The following DOCK4 variants were observed in gnomAD, a reference collection of about 807,000 sequenced individuals.
The protein encoded by DOCK4 is dedicator of cytokinesis 4.
Under a neutral mutation model 268.1 loss-of-function variants are expected in DOCK4, and 97 were observed. That is an observed-to-expected ratio of 0.36 (90% CI 0.31 to 0.43). DOCK4 has a LOEUF of 0.43. DOCK4 is among the 20% of genes least tolerant of loss of function. The pLI is 1.00. For synonymous variants in DOCK4, 954 were observed against 887.2 expected, an observed-to-expected ratio of 1.08 and a Z score of -1.34; for missense variants, 2,145 against 2,455.7, an observed-to-expected ratio of 0.87 and a Z score of 2.67.
intron 1 of DOCK4, among the ~76,000 whole-genome samples, chr7:112,019,473 G>A (rs890655623): frequency 7.9e-5 from 12 of 152,092 alleles, no homozygotes; most frequent in South Asian, 4.1e-4. Flanking sequence ...TTAATAATAC[G>A]TGTTAATGTG....
At chr7:112,180,663 T>C (rs1243995698) in intron 1 of DOCK4, among the ~76,000 whole-genome samples, 1 of 152,166 alleles carries the variant, frequency 6.6e-6, no homozygotes, top group Non-Finnish European at 1.5e-5. Flanking sequence ...GATATATATA[T>C]GTCTGAATGA....
intron 30 of DOCK4, chr7:111,807,837 T>G (rs1017245634): frequency 2.0e-5 from 3 of 152,058 alleles, no homozygotes; most frequent in African/African-American, 7.2e-5. Flanking sequence ...AACACTGGGC[T>G]TAATTATATA....
intron 35 of DOCK4, 63 bp from the exon 36 acceptor site, chr7:111,778,432 T>C: frequency 9.7e-7 from 1 of 1,028,202 alleles, no homozygotes. Context: ...TTATCTGCCT[T>C]TTACTCTGCT....
At chr7:112,026,957 G>A (rs971485175) in intron 1 of DOCK4, among the ~76,000 whole-genome samples, 2 of 152,146 alleles carry the variant, frequency 1.3e-5, no homozygotes, top group African/African-American at 2.4e-5. Context: ...GTGGGAGGTC[G>A]ATCTTCAGCT....
At chr7:112,141,908 C>T (rs1255595037) in intron 1 of DOCK4, among the ~76,000 whole-genome samples, 2 of 152,148 alleles carry the variant, frequency 1.3e-5, no homozygotes, top group African/African-American at 4.8e-5. Flanking sequence ...CTACTAAATG[C>T]TCCATTTGTT....
intron 1 of DOCK4, among the ~76,000 whole-genome samples, chr7:112,031,886 T>C (rs1402318497): frequency 6.6e-6 from 1 of 152,080 alleles, no homozygotes; most frequent in Non-Finnish European, 1.5e-5. Context: ...GCACGGTACC[T>C]TACAAAGTCC....
At chr7:112,079,260 G>A (rs1328530749) in intron 1 of DOCK4, among the ~76,000 whole-genome samples, 1 of 152,182 alleles carries the variant, frequency 6.6e-6, no homozygotes, top group African/African-American at 2.4e-5. Context: ...AACTGTGCAT[G>A]TGGAAATTGA....
rs1554467818 is a variant in DOCK4 at position 112,165,560 on chromosome 7, G to GTGCA, written c.37+40541_37+40542insTGCA. On this transcript the variant is annotated intron_variant, in intron 1 of 52. Coordinates refer to ENST00000428084, the MANE Select transcript of DOCK4 (RefSeq NM_001363540.2). The stretch of plus-strand genomic sequence containing the variant: ...TGTGTGTGTGTGTGTGTGTGTGTGT[G>GTGCA]CGTGTGTGTGTGTATCCCATTTCTT... Among the ~76,000 whole-genome samples, 5 of 63,284 alleles carry GTGCA rather than the reference G, an allele frequency of 7.9e-5. No individual in the cohort carries two copies. The South Asian group carries it at 3.6e-3, about 45-fold the overall frequency. The allele number at this position is 63,284 out of a possible 152,430, so 41.5% of individuals were successfully genotyped here.
At chr7:112,165,044 A>G (rs1817467544) in intron 1 of DOCK4, among the ~76,000 whole-genome samples, 1 of 152,160 alleles carries the variant, frequency 6.6e-6, no homozygotes, top group South Asian at 2.1e-4. Flanking sequence ...CTATGGCTAG[A>G]AGGAAAAAAT....
At chr7:112,091,338 G>C (rs368111026) in intron 1 of DOCK4, among the ~76,000 whole-genome samples, 1 of 152,250 alleles carries the variant, frequency 6.6e-6, no homozygotes, top group Admixed American at 6.5e-5. Flanking sequence ...GCTTGGATTG[G>C]GGGTAGGTCA....
intron 1 of DOCK4, among the ~76,000 whole-genome samples, chr7:112,200,821 T>C (rs555446661): frequency 4.7e-5 from 7 of 150,060 alleles, no homozygotes; most frequent in Non-Finnish European, 1.5e-5. Context: ...CTTAGGGGAA[T>C]GACCAAAAGA....
chr7:111,837,431 A>G (rs1803319861), intron 25 of DOCK4, among the ~76,000 whole-genome samples: 1 of 152,230 alleles, frequency 6.6e-6, no homozygotes, highest in Admixed American at 6.5e-5. Context: ...AAAGGCAATC[A>G]GGAATACAGG....
chr7:111,954,857 G>A (rs1796336407), intron 8 of DOCK4, among the ~76,000 whole-genome samples: 2 of 152,122 alleles, frequency 1.3e-5, no homozygotes, highest in African/African-American at 2.4e-5. Context: ...CCGATACAAA[G>A]AGCCTCGCAC....
intron 42 of DOCK4, 59 bp from the exon 43 acceptor site, chr7:111,747,502 A>C: frequency 6.8e-7 from 1 of 1,479,674 alleles, no homozygotes; most frequent in Non-Finnish European, 9.1e-7. Flanking sequence ...AAGAAAGACA[A>C]AGTAGTTTAT....
intron 27 of DOCK4, among the ~76,000 whole-genome samples, 189 bp downstream of exon 27, chr7:111,822,173 C>T (rs776712089): frequency 2.0e-5 from 3 of 151,780 alleles, no homozygotes; most frequent in Non-Finnish European, 2.9e-5. Context: ...TTATGTTGTT[C>T]GATTTCTGAA....
intron 40 of DOCK4, 57 bp from the exon 41 acceptor site, chr7:111,758,847 C>CT: frequency 2.6e-6 from 4 of 1,557,920 alleles, no homozygotes; most frequent in Non-Finnish European, 3.5e-6. Context: ...GGAAGTCTGG[C>CT]TTGGGCTGAG....
At chr7:111,998,404 G>A in intron 4 of DOCK4, 44 bp downstream of exon 4, 5 of 1,433,616 alleles carry the variant, frequency 3.5e-6, no homozygotes, top group Non-Finnish European at 3.8e-6. Context: ...AGAAGCAAAG[G>A]CTCTGTGAAA....
chr7:112,109,553 TA>T (rs368707428), intron 1 of DOCK4, among the ~76,000 whole-genome samples: 32 of 152,188 alleles, frequency 2.1e-4, no homozygotes, highest in African/African-American at 7.5e-4. Context: ...TCTCTCAAGG[TA>T]AAACTACTGA....
intron 16 of DOCK4, among the ~76,000 whole-genome samples, chr7:111,886,317 T>C (rs1204350008): frequency 6.6e-6 from 1 of 152,212 alleles, no homozygotes; most frequent in Non-Finnish European, 1.5e-5. Flanking sequence ...AGTCATCCTT[T>C]ATGTCATTAT....
Sources: gnomAD v4.1 joint callset for allele counts (sites outside exome capture counted in the v4.1 genomes callset) on GRCh38, gnomAD v4.1.1 for gene constraint, MANE v1.5 for transcripts, NCBI Gene and HGNC (gene_info 2026-07-23, HGNC 2026-07-21) for gene names.